The following CHD2 variants were observed in gnomAD, a reference collection of about 807,000 sequenced individuals.
The protein encoded by CHD2 is chromodomain helicase DNA binding protein 2.
Under a neutral mutation model 243.9 loss-of-function variants are expected in CHD2, and 28 were observed. The observed-to-expected ratio is 0.11, with a 90% CI of 0.09 to 0.16. CHD2 has a LOEUF of 0.16. Ranked by LOEUF, CHD2 falls within the 10% of genes least tolerant of loss-of-function variation. The pLI, the probability that CHD2 is intolerant of heterozygous loss-of-function variation, is 1.00. For synonymous variants in CHD2, 775 were observed against 779.0 expected (o/e 0.99, Z 0.09); for missense variants, 1,386 against 2,209.8 (o/e 0.63, Z 7.47).
chr15:92,946,705 C>G (rs1458723479), intron 12 of CHD2: 2 of 152,394 alleles, frequency 1.3e-5, no homozygotes, highest in Admixed American at 1.3e-4. Context: ...TCAGGCTGGT[C>G]TCAAACTCCT....
intron 2 of CHD2, among the ~76,000 whole-genome samples, chr15:92,904,007 AC>A (rs1345604349): frequency 6.6e-6 from 1 of 152,248 alleles, no homozygotes; most frequent in Non-Finnish European, 1.5e-5. Flanking sequence ...CGCTGATAAT[AC>A]ATTAAAAAAC....
At chr15:92,920,639 G>A (rs2052937144) in intron 2 of CHD2, among the ~76,000 whole-genome samples, 1 of 152,178 alleles carries the variant, frequency 6.6e-6, no homozygotes, top group African/African-American at 2.4e-5. Flanking sequence ...TTTTGTTGCT[G>A]TTGGAGTTTT....
intron 2 of CHD2, among the ~76,000 whole-genome samples, chr15:92,906,144 T>A (rs11074119): frequency 0.45 from 67,961 of 152,104 alleles, 15,432 homozygotes; most frequent in Admixed American, 0.48. Context: ...AAGTTTTTTA[T>A]AGAACCAGTG....
chr15:92,978,864 A>G (rs1051884703), intron 21 of CHD2, among the ~76,000 whole-genome samples: 1 of 152,222 alleles, frequency 6.6e-6, no homozygotes, highest in Non-Finnish European at 1.5e-5. Flanking sequence ...GGAACTTTCC[A>G]TCACTGAAGC....
chr15:92,983,623 C>T (rs1255330480), intron 24 of CHD2, among the ~76,000 whole-genome samples: 1 of 152,178 alleles, frequency 6.6e-6, no homozygotes, highest in Non-Finnish European at 1.5e-5. Flanking sequence ...TCTGTGTACT[C>T]CTCCTCTGGT....
chr15:92,974,599 C>T (rs2053883579), intron 19 of CHD2: 1 of 308,812 alleles, frequency 3.2e-6, no homozygotes, highest in South Asian at 3.7e-5. Flanking sequence ...GGGTTTTCGT[C>T]TTTCTCCTTT....
intron 38 of CHD2, among the ~76,000 whole-genome samples, chr15:93,022,878 T>A (rs575297146): frequency 1.3e-5 from 2 of 152,356 alleles, no homozygotes; most frequent in South Asian, 4.1e-4. Context: ...TGTTCTTCAT[T>A]GCCTGATGTC....
Position 92,946,136 on chromosome 15 carries a change from A to G in CHD2, c.1297A>G (p.Ile433Val), listed in dbSNP as rs368327967. 29 of 1,613,546 alleles carry G rather than the reference A, an allele frequency of 1.8e-5. No individual in the cohort carries two copies. The African/African-American group carries it at 2.8e-4, about 16-fold the overall frequency. ...SECSWEDEAL[I>V]GKKFQNCIDS... ...GTGTAGCTGGGAAGATGAAGCCCTC[A>G]TTGGAAAGAAATTCCAGAATTGCAT... The change falls in exon 12 of 39, where the codon ATT (isoleucine) becomes GTT (valine). Residue 433 changes from isoleucine to valine, a missense_variant. Physicochemically the swap from Ile to Val is conservative, Grantham distance 29. Coordinates refer to ENST00000394196, the MANE Select transcript of CHD2 (RefSeq NM_001271.4).
chr15:92,991,414 G>T lies in CHD2; in HGVS notation c.3414-62G>T, dbSNP rs542179781. On this transcript the variant is annotated intron_variant, in intron 26 of 38. Transcript: ENST00000394196. ...TCATATGTCATCACAGGATATGCTA[G>T]CATCAACATAACTAAAGTAAGTCTC... 1.6e-5 allele frequency: 20 copies of T among 1,241,396 alleles called. No homozygotes were observed. The East Asian group carries it at 3.8e-4, about 24-fold the overall frequency. The allele number at this position is 1,241,396 out of a possible 1,614,324, so 76.9% of individuals were successfully genotyped here.
chr15:93,023,247 C>T (rs538960219), intron 38 of CHD2, among the ~76,000 whole-genome samples: 1 of 152,324 alleles, frequency 6.6e-6, no homozygotes, highest in African/African-American at 2.4e-5. Flanking sequence ...TTTGCCTGTT[C>T]TAGACATTTC....
chr15:93,018,770 C>G lies in CHD2; in HGVS notation c.4907-1242C>G, dbSNP rs546383262. ...ATTTCTGCCTCCATCTTTGCATAGC[C>G]TTCTCCTATGCATAGCCTGTCATAG... is the stretch of plus-strand genomic sequence containing the variant. On this transcript the variant is annotated intron_variant, in intron 37 of 38. Transcript: ENST00000394196. Among the ~76,000 whole-genome samples, 10 of 152,326 alleles carry G rather than the reference C, an allele frequency of 6.6e-5. No homozygotes were observed. The East Asian group carries it at 1.9e-3, about 29-fold the overall frequency.
rs147332348 is a variant in CHD2 at position 92,949,284 on chromosome 15, A to G, written c.1502+208A>G. On this transcript the variant is annotated intron_variant, in intron 13 of 38. Coordinates refer to ENST00000394196, the MANE Select transcript of CHD2 (RefSeq NM_001271.4). The stretch of plus-strand genomic sequence containing the variant: ...GTGTAATACCATTTTATTCTGATCT[A>G]AAGAATACTTTATTTCATTATTTGG... 4.4e-5 allele frequency: 55 copies of G among 1,251,242 alleles called. No individual in the cohort carries two copies. In the African/African-American group the frequency reaches 7.9e-4, roughly 18 times the overall value. 77.5% of individuals were successfully genotyped at this position (1,251,242 alleles called of 1,614,324 possible). A position where few individuals can be genotyped will look rare whatever the true frequency, so the allele number is the denominator to read the frequency against.
At chr15:92,917,065 A>C (rs2052852977) in intron 2 of CHD2, among the ~76,000 whole-genome samples, 1 of 152,048 alleles carries the variant, frequency 6.6e-6, no homozygotes, top group South Asian at 2.1e-4. Flanking sequence ...TTTTGGTTGG[A>C]TTTTTGATAG....
chr15:92,923,311 A>G (rs1424447801), intron 2 of CHD2, among the ~76,000 whole-genome samples: 1 of 152,042 alleles, frequency 6.6e-6, no homozygotes, highest in East Asian at 1.9e-4. Flanking sequence ...CCCAGGCTGG[A>G]GTACAGTGGC....
At chr15:92,912,908 G>T (rs2052767385) in intron 2 of CHD2, among the ~76,000 whole-genome samples, 1 of 152,240 alleles carries the variant, frequency 6.6e-6, no homozygotes, top group African/African-American at 2.4e-5. Flanking sequence ...CATTCAAATA[G>T]AGGCAATATA....
chr15:92,955,915 G>A (rs1381665666), intron 15 of CHD2, among the ~76,000 whole-genome samples: 1 of 152,178 alleles, frequency 6.6e-6, no homozygotes, highest in African/African-American at 2.4e-5. Context: ...ATTTCCTATT[G>A]TATCATTGTT....
At chr15:92,933,731 G>A (rs780313904) in intron 5 of CHD2, among the ~76,000 whole-genome samples, 10 of 152,102 alleles carry the variant, frequency 6.6e-5, no homozygotes, top group Non-Finnish European at 1.3e-4. Context: ...TTAGCCTCCT[G>A]AGTAGTTGGG....
chr15:92,945,967 A>G (rs1021585179), intron 11 of CHD2, 71 bp from the exon 12 acceptor site: 6 of 1,491,298 alleles, frequency 4.0e-6, no homozygotes, highest in Non-Finnish European at 3.6e-6. Flanking sequence ...TTGATTATGC[A>G]TAAAACAGAA....
At position 92,979,257 on chromosome 15, in the gene CHD2, C is replaced by A. The variant is rs780916645; in HGVS notation, c.2850C>A (p.Ile950=). 4.3e-6 allele frequency: 7 copies of A among 1,613,882 alleles called. No homozygotes were observed. In the Admixed American group the frequency reaches 1.2e-4, roughly 27 times the overall value. ...GCATGGACACCACTGGCCGGACGATCCTGGAAAACAACTCAGGAAGGTCCA... is the reference window on the plus strand; with the variant it reads ...GCATGGACACCACTGGCCGGACGATACTGGAAAACAACTCAGGAAGGTCCA... The part of the protein sequence containing the change: ...IQRMDTTGRT[I]LENNSGRSNS... Residue 950 remains isoleucine (I), a synonymous_variant, in exon 22 of 39, where the codon ATC becomes ATA. Coordinates refer to ENST00000394196, the MANE Select transcript of CHD2 (RefSeq NM_001271.4).
Sources: gnomAD v4.1 joint callset for allele counts (sites outside exome capture counted in the v4.1 genomes callset) on GRCh38, gnomAD v4.1.1 for gene constraint, MANE v1.5 for transcripts, NCBI Gene and HGNC (gene_info 2026-07-23, HGNC 2026-07-21) for gene names.